Variants in MPP7 observed in about 807,000 individuals in gnomAD.
MPP7 encodes MAGUK p55 scaffold protein 7, also known as MAGUK p55 subfamily member 7.
In MPP7, 60 loss-of-function variants were observed where a neutral mutation model predicts 76.5. That is an observed-to-expected ratio of 0.78 (90% CI 0.64 to 0.97). The LOEUF (loss-of-function observed/expected upper bound fraction) is 0.97, where lower values mean the gene tolerates loss of function less well. Among genes scored for constraint, MPP7 ranks in the 50% least tolerant of loss-of-function variants. MPP7 has a pLI of 0.00. For missense variants in MPP7, 641 were observed against 694.0 expected, an observed-to-expected ratio of 0.92 and a Z score of 0.86; for synonymous variants, 237 against 244.5, an observed-to-expected ratio of 0.97 and a Z score of 0.29.
intron 2 of MPP7, among the ~76,000 whole-genome samples, chr10:28,316,210 G>C (rs528355531): frequency 2.0e-5 from 3 of 152,040 alleles, no homozygotes; most frequent in African/African-American, 7.2e-5. Flanking sequence ...GACGAGGCAG[G>C]TAGATCACTT....
At chr10:28,228,815 AATC>A (rs1218712418) in intron 2 of MPP7, among the ~76,000 whole-genome samples, 4 of 152,142 alleles carry the variant, frequency 2.6e-5, no homozygotes, top group Non-Finnish European at 5.9e-5. Flanking sequence ...TTCTTATAAA[AATC>A]ATCATCATCA....
At chr10:28,307,927 A>G (rs1425598696), upstream of MPP7, among the ~76,000 whole-genome samples, 1 of 152,182 alleles carries the variant, frequency 6.6e-6, no homozygotes, top group East Asian at 1.9e-4. Flanking sequence ...AAGCCTGGAC[A>G]ATGACTAAAA....
intron 11 of MPP7, among the ~76,000 whole-genome samples, chr10:28,097,691 C>T (rs573741089): frequency 6.6e-6 from 1 of 152,160 alleles, no homozygotes; most frequent in Non-Finnish European, 1.5e-5. Flanking sequence ...AAAGGACCAA[C>T]GGTTTAACTT....
intron 3 of MPP7, among the ~76,000 whole-genome samples, chr10:28,161,693 G>A (rs1457399868): frequency 6.6e-6 from 1 of 152,004 alleles, no homozygotes; most frequent in Non-Finnish European, 1.5e-5. Flanking sequence ...AAGTCTAAGT[G>A]AAAATATTCG....
chr10:28,158,016 A>G (rs1836126229), intron 3 of MPP7, among the ~76,000 whole-genome samples: 1 of 152,202 alleles, frequency 6.6e-6, no homozygotes, highest in African/African-American at 2.4e-5. Flanking sequence ...CCTTGCTCAT[A>G]ACCCAATGCC....
chr10:28,114,984 T>C (rs1834616901), intron 11 of MPP7, among the ~76,000 whole-genome samples: 1 of 152,048 alleles, frequency 6.6e-6, no homozygotes, highest in African/African-American at 2.4e-5. Context: ...AATTTACAAC[T>C]TAGTTCATCT....
At chr10:28,320,105 G>A (rs969612614) in intron 2 of MPP7, among the ~76,000 whole-genome samples, 1 of 152,102 alleles carries the variant, frequency 6.6e-6, no homozygotes, top group African/African-American at 2.4e-5. Flanking sequence ...CTATGTAAAG[G>A]AGTCAGTTAG....
chr10:28,187,734 CCCGCAAG>C (rs1433478724), intron 3 of MPP7, among the ~76,000 whole-genome samples: 1 of 152,150 alleles, frequency 6.6e-6, no homozygotes, highest in African/African-American at 2.4e-5. Flanking sequence ...TCTCCTTTTG[CCCGCAAG>C]TATGATGCTT....
At chr10:28,065,372 A>G (rs1266885869) in intron 13 of MPP7, among the ~76,000 whole-genome samples, 1 of 152,250 alleles carries the variant, frequency 6.6e-6, no homozygotes, top group East Asian at 1.9e-4. Context: ...TTTGCTTATC[A>G]TAATCAACCT....
chr10:28,211,544 A>G (rs1838139323), intron 2 of MPP7, among the ~76,000 whole-genome samples: 1 of 152,102 alleles, frequency 6.6e-6, no homozygotes, highest in African/African-American at 2.4e-5. Flanking sequence ...TATATAACTA[A>G]CAGGCAGGTG....
At chr10:28,125,202 A>G in intron 6 of MPP7, 111 bp from the exon 7 acceptor site, 2 of 842,956 alleles carry the variant, frequency 2.4e-6, no homozygotes, top group Non-Finnish European at 3.8e-6. Context: ...TACAAAAACG[A>G]AAAAAAAGAA....
intron 1 of MPP7, among the ~76,000 whole-genome samples, chr10:28,283,267 G>A (rs1840722230): frequency 6.6e-6 from 1 of 151,964 alleles, no homozygotes; most frequent in South Asian, 2.1e-4. Context: ...TAGGAGAATG[G>A]GTAACCTGGG....
At chr10:28,266,704 A>C (rs1840160582) in intron 1 of MPP7, among the ~76,000 whole-genome samples, 1 of 152,196 alleles carries the variant, frequency 6.6e-6, no homozygotes, top group Non-Finnish European at 1.5e-5. Context: ...GCTCTTTCTA[A>C]GCTATGGTGC....
intron 1 of MPP7, among the ~76,000 whole-genome samples, chr10:28,262,200 TATATATAC>T (rs1282527764): frequency 3.1e-3 from 49 of 15,920 alleles, no homozygotes; most frequent in African/African-American, 7.0e-3. Context: ...TATATATATA[TATATATAC>T]ATATATATAT....
intron 2 of MPP7, among the ~76,000 whole-genome samples, chr10:28,315,733 C>T (rs1834314452): frequency 6.6e-6 from 1 of 152,070 alleles, no homozygotes; most frequent in Non-Finnish European, 1.5e-5. Flanking sequence ...GAATACCTCC[C>T]CATCCCTTAA....
chr10:28,212,180 AG>A (rs754367587), intron 2 of MPP7, among the ~76,000 whole-genome samples: 1 of 152,146 alleles, frequency 6.6e-6, no homozygotes, highest in East Asian at 1.9e-4. Context: ...AACAGATCGC[AG>A]GAAGCCGAGG....
At chr10:28,091,476 C>A (rs566562371) in intron 11 of MPP7, among the ~76,000 whole-genome samples, 1 of 152,000 alleles carries the variant, frequency 6.6e-6, no homozygotes, top group South Asian at 2.1e-4. Context: ...TTAGTAGAGA[C>A]GGGGTTTCAC....
chr10:28,104,984 T>C (rs1854000336), intron 11 of MPP7, among the ~76,000 whole-genome samples: 1 of 151,998 alleles, frequency 6.6e-6, no homozygotes, highest in South Asian at 2.1e-4. Context: ...GAAATGAAGC[T>C]ATTTTTTCTA....
At chr10:28,096,690 T>C (rs1853586202) in intron 11 of MPP7, among the ~76,000 whole-genome samples, 1 of 152,222 alleles carries the variant, frequency 6.6e-6, no homozygotes, top group Non-Finnish European at 1.5e-5. Flanking sequence ...CCATCTTAGT[T>C]CTGATAAATA....
Sources: gnomAD v4.1 joint callset for allele counts (sites outside exome capture counted in the v4.1 genomes callset) on GRCh38, gnomAD v4.1.1 for gene constraint, MANE v1.5 for transcripts, NCBI Gene and HGNC (gene_info 2026-07-23, HGNC 2026-07-21) for gene names.